The following TNIP3 variants were observed in gnomAD, a reference collection of about 807,000 sequenced individuals.
The protein encoded by TNIP3 is TNFAIP3 interacting protein 3, also known as TNFAIP3-interacting protein 3.
Under a neutral mutation model 54.1 loss-of-function variants are expected in TNIP3, and 34 were observed. The observed-to-expected ratio is 0.63, with a 90% CI of 0.48 to 0.84. The LOEUF is 0.84. Ranked by LOEUF, TNIP3 falls within the 40% of genes least tolerant of loss-of-function variation. The pLI, the probability that TNIP3 is intolerant of heterozygous loss-of-function variation, is 0.00. For synonymous variants in TNIP3, 134 were observed against 136.8 expected, an observed-to-expected ratio of 0.98 and a Z score of 0.14; for missense variants, 366 against 387.6, an observed-to-expected ratio of 0.94 and a Z score of 0.47.
chr4:121,201,169 G>A (rs778870978), intron 2 of TNIP3, among the ~76,000 whole-genome samples: 6 of 152,116 alleles, frequency 3.9e-5, no homozygotes, highest in Non-Finnish European at 5.9e-5. Context: ...TGAGGTATGA[G>A]GAAAGTCCAG....
At chr4:121,176,600 C>A (rs1724364478) in intron 3 of TNIP3, among the ~76,000 whole-genome samples, 1 of 151,400 alleles carries the variant, frequency 6.6e-6, no homozygotes, top group African/African-American at 2.4e-5. Context: ...GGTGCACTTT[C>A]TCTCACTTTG....
chr4:121,224,367 AATAAAAAGAAAAAAG>A (rs1579518654), intron 1 of TNIP3, among the ~76,000 whole-genome samples: 1 of 99,730 alleles, frequency 1.0e-5, no homozygotes, highest in South Asian at 4.4e-4. Context: ...TGTCTCAAAA[AATAAAAAGAAAAAAG>A]AAAAAAGAAA....
intron 10 of TNIP3, among the ~76,000 whole-genome samples, chr4:121,138,195 G>C (rs1207537196): frequency 6.6e-6 from 1 of 152,146 alleles, no homozygotes; most frequent in African/African-American, 2.4e-5. Context: ...AGTCATAAGG[G>C]AACACAGTTC....
chr4:121,149,984 A>G, intron 6 of TNIP3, 119 bp downstream of exon 6: 1 of 660,372 alleles, frequency 1.5e-6, no homozygotes. Flanking sequence ...AATTCTACTT[A>G]AAATAAATGC....
chr4:121,218,021 T>G (rs1726873147), upstream of TNIP3, among the ~76,000 whole-genome samples: 1 of 152,142 alleles, frequency 6.6e-6, no homozygotes, highest in Admixed American at 6.5e-5. Context: ...CACCAAACCA[T>G]CTGACTCCTA....
In TNIP3 at chr4:121,132,265, A is replaced by G. The variant is rs1196451611; in HGVS notation, c.*366T>C. ...ACACACACACACATATGCACTTTAA[A>G]TCAACATACAATATCCCTGCAGCAA... On this transcript the variant is annotated 3_prime_UTR_variant, in exon 11 of 11. Coordinates refer to ENST00000057513, the MANE Select transcript of TNIP3 (RefSeq NM_024873.6). 2 of 225,014 alleles carry G rather than the reference A, an allele frequency of 8.9e-6. No homozygotes were observed. The highest frequency in any genetic ancestry group is 1.7e-5 in the Non-Finnish European group (2 of 114,698). 13.9% of individuals were successfully genotyped at this position (225,014 alleles called of 1,614,324 possible).
At chr4:121,154,490 G>C in intron 5 of TNIP3, 61 bp downstream of exon 5, 2 of 1,600,866 alleles carry the variant, frequency 1.2e-6, no homozygotes, top group Non-Finnish European at 1.7e-6. Flanking sequence ...GCGACTGTCA[G>C]TAAGAATGTT....
At chr4:121,164,467 C>A, upstream of TNIP3, 1 of 505,268 alleles carries the variant, frequency 2.0e-6, no homozygotes, top group Non-Finnish European at 2.6e-6. Flanking sequence ...TCTTCCTTTA[C>A]TGGCAGTTTC....
chr4:121,198,165 A>AGTTTC (rs1725701744), intron 2 of TNIP3, among the ~76,000 whole-genome samples: 1 of 151,402 alleles, frequency 6.6e-6, no homozygotes, highest in Non-Finnish European at 1.5e-5. Flanking sequence ...TTTTTTTAGA[A>AGTTTC]ATTACTTGTA....
At chr4:121,195,745 A>G (rs1053118234) in intron 2 of TNIP3, among the ~76,000 whole-genome samples, 2 of 152,210 alleles carry the variant, frequency 1.3e-5, no homozygotes, top group African/African-American at 2.4e-5. Flanking sequence ...AAAACTGGGT[A>G]AGTTAGATTA....
chr4:121,175,341 CT>C (rs1323511919), intron 3 of TNIP3, among the ~76,000 whole-genome samples: 1 of 152,158 alleles, frequency 6.6e-6, no homozygotes, highest in Non-Finnish European at 1.5e-5. Flanking sequence ...ACCTCAAGTT[CT>C]TTTTCTTCTC....
chr4:121,213,967 CA>C (rs1442495809), intron 2 of TNIP3, among the ~76,000 whole-genome samples: 2 of 152,146 alleles, frequency 1.3e-5, no homozygotes, highest in Non-Finnish European at 2.9e-5. Flanking sequence ...GATAATCCCC[CA>C]TACTGACAAT....
chr4:121,140,781 G>C (rs781781025), intron 9 of TNIP3, among the ~76,000 whole-genome samples: 3 of 152,100 alleles, frequency 2.0e-5, no homozygotes, highest in Admixed American at 6.5e-5. Context: ...AAAGGAAAAG[G>C]GGGAGGGAGA....
At chr4:121,170,408 G>A (rs1579434331) in intron 3 of TNIP3, among the ~76,000 whole-genome samples, 1 of 152,288 alleles carries the variant, frequency 6.6e-6, no homozygotes, top group Non-Finnish European at 1.5e-5. Flanking sequence ...GATACACAAA[G>A]TTATAGGCTT....
At chr4:121,198,727 G>A (rs1408597382) in intron 2 of TNIP3, among the ~76,000 whole-genome samples, 1 of 152,166 alleles carries the variant, frequency 6.6e-6, no homozygotes, top group Admixed American at 6.5e-5. Flanking sequence ...AAGATGGGTT[G>A]CCTTAAGGCA....
At chr4:121,205,155 T>C (rs1726110906) in intron 2 of TNIP3, among the ~76,000 whole-genome samples, 1 of 152,106 alleles carries the variant, frequency 6.6e-6, no homozygotes, top group Non-Finnish European at 1.5e-5. Context: ...GCTGGGGAGA[T>C]GGGAATTGCA....
intron 9 of TNIP3, among the ~76,000 whole-genome samples, chr4:121,139,415 C>T (rs943750485): frequency 3.3e-5 from 5 of 152,174 alleles, no homozygotes; most frequent in African/African-American, 7.2e-5. Flanking sequence ...CTGTATTTAA[C>T]GCTTAGGAAT....
At chr4:121,168,735 G>T (rs927536501), upstream of TNIP3, among the ~76,000 whole-genome samples, 1 of 151,816 alleles carries the variant, frequency 6.6e-6, no homozygotes, top group African/African-American at 2.4e-5. Context: ...GCCCACACTG[G>T]TCTTGAACTC....
chr4:121,205,808 T>G (rs1726150989), intron 2 of TNIP3, among the ~76,000 whole-genome samples: 1 of 152,208 alleles, frequency 6.6e-6, no homozygotes. Context: ...ATTAGTCTGT[T>G]CTCATGCTGC....
Sources: gnomAD v4.1 joint callset for allele counts (sites outside exome capture counted in the v4.1 genomes callset) on GRCh38, gnomAD v4.1.1 for gene constraint, MANE v1.5 for transcripts, NCBI Gene and HGNC (gene_info 2026-07-23, HGNC 2026-07-21) for gene names.